ADCY10: variants seen among roughly 807,000 people sequenced by gnomAD.
The protein encoded by ADCY10 is adenylate cyclase 10.
A neutral mutation model predicts 183.3 loss-of-function variants in ADCY10; 156 were observed. The observed-to-expected ratio is 0.85, with a 90% CI of 0.75 to 0.97. The LOEUF (loss-of-function observed/expected upper bound fraction) is 0.97. Among genes scored for constraint, ADCY10 ranks in the 50% least tolerant of loss-of-function variants. The pLI is 0.00. For missense variants in ADCY10, 1,745 were observed against 1,934.3 expected (o/e 0.90, Z 1.84); for synonymous variants, 645 against 670.0 (o/e 0.96, Z 0.58).
intron 21 of ADCY10, among the ~76,000 whole-genome samples, chr1:167,843,204 G>A (rs2101954165): frequency 6.6e-6 from 1 of 152,290 alleles, no homozygotes; most frequent in South Asian, 2.1e-4. Flanking sequence ...GAAATTGTTT[G>A]CTTTGATGAC....
chr1:167,854,129 C>T (rs1665706739), intron 18 of ADCY10, among the ~76,000 whole-genome samples: 1 of 152,050 alleles, frequency 6.6e-6, no homozygotes, highest in East Asian at 1.9e-4. Context: ...TGAGCCACCG[C>T]GCCCGGCCAT....
intron 26 of ADCY10, among the ~76,000 whole-genome samples, chr1:167,825,394 T>C (rs1399430072): frequency 6.6e-6 from 1 of 151,908 alleles, no homozygotes; most frequent in Non-Finnish European, 1.5e-5. Context: ...CTCACATCTA[T>C]AATCCCAGCA....
intron 18 of ADCY10, among the ~76,000 whole-genome samples, chr1:167,852,213 C>T (rs550830554): frequency 5.3e-5 from 8 of 152,068 alleles, no homozygotes; most frequent in African/African-American, 1.9e-4. Flanking sequence ...GAGCCCGAGG[C>T]GGGCAGATCA....
At chr1:167,913,778 A>C (rs1432007855) in intron 1 of ADCY10, among the ~76,000 whole-genome samples, 198 bp downstream of exon 1, 1 of 152,202 alleles carries the variant, frequency 6.6e-6, no homozygotes, top group Non-Finnish European at 1.5e-5. Flanking sequence ...ATCCAGGTTG[A>C]GAAGGTGAGG....
chr1:167,891,581 G>C (rs6666469), intron 8 of ADCY10, among the ~76,000 whole-genome samples: 32,357 of 150,736 alleles, frequency 0.21, 3,557 homozygotes, highest in Middle Eastern at 0.26. Context: ...GCATGAACCC[G>C]GGAGGCGGAG....
intron 1 of ADCY10, among the ~76,000 whole-genome samples, chr1:167,907,267 A>G (rs1669882919): frequency 6.6e-6 from 1 of 152,262 alleles, no homozygotes; most frequent in Non-Finnish European, 1.5e-5. Context: ...ACAGACCAGT[A>G]AACATAATGT....
chr1:167,912,533 C>T lies in ADCY10; in HGVS notation c.-59+1443G>A, dbSNP rs556860020. 3.0e-3 allele frequency among the ~76,000 whole-genome samples: 459 copies of T among 152,342 alleles called. 2 individuals are homozygous for T. Among genetic ancestry groups the T allele is most frequent in the Non-Finnish European group, 5.6e-3 (381 of 68,024 alleles). On this transcript the variant is annotated intron_variant, in intron 1 of 32. Transcript: ENST00000367851. ...ATGACATGCCTGGTCAAACCAATCC[C>T]CTGAACCCTATGCAAATCAGACACT...
At chr1:167,818,989 C>T (rs1571211781) in intron 30 of ADCY10, among the ~76,000 whole-genome samples, 2 of 152,308 alleles carry the variant, frequency 1.3e-5, no homozygotes, top group African/African-American at 4.8e-5. Context: ...TCAGTATCAC[C>T]TGGATTCTCA....
Position 167,880,058 on chromosome 1 carries a change from AGT to A in ADCY10, c.1216+55_1216+56del, listed in dbSNP as rs1667758626. 3 of 1,470,950 alleles carry A rather than the reference AGT, an allele frequency of 2.0e-6. No homozygotes were observed. In the African/African-American group the frequency reaches 4.2e-5, roughly 20 times the overall value. 91.1% of individuals were successfully genotyped at this position (1,470,950 alleles called of 1,614,324 possible). A position where few individuals can be genotyped will look rare whatever the true frequency, so the allele number is the denominator to read the frequency against. On this transcript the variant is annotated intron_variant, in intron 11 of 32. Coordinates refer to ENST00000367851, the MANE Select transcript of ADCY10 (RefSeq NM_018417.6). ...TTTTGTGCTTCCTCCCGCAAAGCCC[AGT>A]GGCAAGGTGCTGTGTTTGCAGAAAG...
At chr1:167,838,154 C>T (rs1462744892) in intron 21 of ADCY10, among the ~76,000 whole-genome samples, 1 of 152,200 alleles carries the variant, frequency 6.6e-6, no homozygotes, top group African/African-American at 2.4e-5. Flanking sequence ...AAGTTACCAC[C>T]TTCTTCTGAA....
chr1:167,912,634 C>A (rs1670223002), intron 1 of ADCY10, among the ~76,000 whole-genome samples: 1 of 152,200 alleles, frequency 6.6e-6, no homozygotes, highest in Non-Finnish European at 1.5e-5. Context: ...GCTTTGGAGC[C>A]CCCCTCCCTC....
At chr1:167,903,784 G>A (rs1325963611) in intron 3 of ADCY10, 103 bp downstream of exon 3, 1 of 808,542 alleles carries the variant, frequency 1.2e-6, no homozygotes. Flanking sequence ...TGGGGAAGAG[G>A]AGGAGTGCTA....
At chr1:167,841,257 A>C (rs1558171944) in intron 21 of ADCY10, among the ~76,000 whole-genome samples, 2 of 152,084 alleles carry the variant, frequency 1.3e-5, no homozygotes, top group Admixed American at 6.6e-5. Flanking sequence ...AATGATCTCT[A>C]AAAGTATAAA....
chr1:167,831,239 G>A (rs563340127), intron 25 of ADCY10, among the ~76,000 whole-genome samples: 1 of 152,144 alleles, frequency 6.6e-6, no homozygotes, highest in South Asian at 2.1e-4. Flanking sequence ...GCCCAGGCTA[G>A]AGTGCAGTGG....
intron 32 of ADCY10, 60 bp downstream of exon 32, chr1:167,810,665 T>C: frequency 1.9e-6 from 3 of 1,548,058 alleles, no homozygotes; most frequent in Non-Finnish European, 2.7e-6. Flanking sequence ...GCAGTAGGCT[T>C]CTGGGCTTCT....
intron 26 of ADCY10, 81 bp downstream of exon 26, chr1:167,829,186 G>T: frequency 1.3e-6 from 2 of 1,529,040 alleles, no homozygotes; most frequent in Non-Finnish European, 1.8e-6. Flanking sequence ...TCAGAATTTT[G>T]AATCCTAATT....
At chr1:167,827,872 C>G (rs983004836) in intron 26 of ADCY10, among the ~76,000 whole-genome samples, 5 of 152,094 alleles carry the variant, frequency 3.3e-5, no homozygotes, top group African/African-American at 1.2e-4. Context: ...CACCACCACA[C>G]TCAGCTAATT....
intron 14 of ADCY10, among the ~76,000 whole-genome samples, chr1:167,866,908 A>T (rs1666738995): frequency 6.6e-6 from 1 of 152,214 alleles, no homozygotes; most frequent in East Asian, 1.9e-4. Flanking sequence ...GGGCCCTGGC[A>T]GCAACGGCCC....
At chr1:167,905,399 G>A (rs1045388633) in intron 1 of ADCY10, among the ~76,000 whole-genome samples, 1 of 152,178 alleles carries the variant, frequency 6.6e-6, no homozygotes, top group Non-Finnish European at 1.5e-5. Flanking sequence ...GCATAAGTGA[G>A]CTCCATTACA....
Sources: allele counts gnomAD v4.1 joint callset (sites outside exome capture counted in the v4.1 genomes callset), GRCh38; gene constraint gnomAD v4.1.1; transcripts MANE v1.5; gene names NCBI Gene and HGNC (gene_info 2026-07-23, HGNC 2026-07-21).